Variants in ATP6V1G3 observed in about 807,000 individuals in gnomAD.
The protein encoded by ATP6V1G3 is V-type proton ATPase subunit G 3.
A neutral mutation model predicts 9.3 loss-of-function variants in ATP6V1G3; 9 were observed. The ratio of observed to expected loss-of-function variants is 0.97; its 90% CI spans 0.59 to 1.69. The LOEUF is 1.69. ATP6V1G3 is among the 40% of genes most tolerant of loss of function. The pLI is 0.00. For missense variants in ATP6V1G3, 133 were observed against 139.0 expected (o/e 0.96, Z 0.22); for synonymous variants, 43 against 43.8 (o/e 0.98, Z 0.07).
chr1:198,539,160 A>G (rs1660247811), intron 1 of ATP6V1G3, among the ~76,000 whole-genome samples: 1 of 152,070 alleles, frequency 6.6e-6, no homozygotes, highest in Non-Finnish European at 1.5e-5. Context: ...TGATGCCCAC[A>G]TTGCTGAGTG....
Position 198,540,479 on chromosome 1 carries a change from C to A in ATP6V1G3, c.82+90G>T, listed in dbSNP as rs1660299989. 11 of 1,385,134 alleles carry A rather than the reference C, an allele frequency of 7.9e-6. No individual in the cohort carries two copies. In the Admixed American group the frequency reaches 8.5e-5, roughly 11 times the overall value. 85.8% of individuals were successfully genotyped at this position (1,385,134 alleles called of 1,614,324 possible). A position where few individuals can be genotyped will look rare whatever the true frequency, so the allele number is the denominator to read the frequency against. On this transcript the variant is annotated intron_variant, in intron 1 of 2. Transcript: ENST00000367382. The stretch of plus-strand genomic sequence containing the variant: ...GAGTACAGTAAACCAAAGTTTGAAA[C>A]AAGGTCTGCCTAATCCAAAAGTCTA...
chr1:198,529,169 C>T lies in ATP6V1G3; in HGVS notation c.95G>A (p.Arg32Gln), dbSNP rs74134730. Residue 32 changes from arginine to glutamine, a missense_variant, in exon 2 of 3, where the codon CGA (arginine) becomes CAA (glutamine). Arg to Gln is a conservative substitution (Grantham distance 43, BLOSUM62 1). Coordinates refer to ENST00000367382, the MANE Select transcript of ATP6V1G3 (RefSeq NM_001376861.1). ...TGCTTCCTCCTTGGCTTGCTTCAAT[C>T]GCTTTCCTTTTCCTGAAAATTAACA... ...LEEAKKRKGK[R>Q]LKQAKEEAMV... is the part of the protein sequence containing the mutation. 1,547 of 1,367,058 alleles carry T rather than the reference C, an allele frequency of 1.1e-3. 13 individuals carry two copies. In the African/African-American group the frequency reaches 0.021, roughly 19 times the overall value. 84.7% of individuals were successfully genotyped at this position (1,367,058 alleles called of 1,614,324 possible).
intron 1 of ATP6V1G3, among the ~76,000 whole-genome samples, chr1:198,537,048 T>C (rs539130195): frequency 1.3e-5 from 2 of 152,300 alleles, no homozygotes; most frequent in South Asian, 4.1e-4. Flanking sequence ...CTTCCCAGTC[T>C]GACTTCCGAA....
intron 1 of ATP6V1G3, among the ~76,000 whole-genome samples, chr1:198,539,935 A>T (rs1045457143): frequency 2.6e-5 from 4 of 152,110 alleles, no homozygotes; most frequent in Non-Finnish European, 5.9e-5. Context: ...AAATGAAAAG[A>T]GAGCTGAGTA....
intron 2 of ATP6V1G3, 23 bp downstream of exon 2, chr1:198,529,058 A>AT (rs1299407893): frequency 4.4e-6 from 5 of 1,146,180 alleles, no homozygotes; most frequent in Non-Finnish European, 1.3e-6. Flanking sequence ...TGCATAAGAA[A>AT]CAGTGCTGAC....
rs1379432727 is a variant in ATP6V1G3 at position 198,539,618 on chromosome 1, C to G, written c.82+951G>C. Among the ~76,000 whole-genome samples, 7 of 152,278 alleles carry G rather than the reference C, an allele frequency of 4.6e-5. No individual in the cohort carries two copies. The South Asian group carries it at 1.5e-3, about 32-fold the overall frequency. On this transcript the variant is annotated intron_variant, in intron 1 of 2. Coordinates refer to ENST00000367382, the MANE Select transcript of ATP6V1G3 (RefSeq NM_001376861.1). ...TAAGATCTGGGCTTGGAAATTATAG[C>G]TCATCTAAATCTTGTCTCTACCATT...
intron 1 of ATP6V1G3, among the ~76,000 whole-genome samples, chr1:198,536,989 T>G (rs1431753286): frequency 1.3e-5 from 2 of 152,154 alleles, no homozygotes; most frequent in Non-Finnish European, 2.9e-5. Flanking sequence ...TTAAATGACA[T>G]TAAGAATTGT....
intron 1 of ATP6V1G3, among the ~76,000 whole-genome samples, chr1:198,532,559 A>G (rs542929969): frequency 6.6e-6 from 1 of 152,314 alleles, no homozygotes; most frequent in South Asian, 2.1e-4. Flanking sequence ...ATGGACAATA[A>G]GTATATAATA....
chr1:198,529,943 A>G (rs1659828600), intron 1 of ATP6V1G3, among the ~76,000 whole-genome samples: 2 of 152,136 alleles, frequency 1.3e-5, no homozygotes, highest in East Asian at 1.9e-4. Flanking sequence ...TTAGACGAAT[A>G]CAATGCTGTG....
rs146675429 is a variant in ATP6V1G3, at chr1:198,537,852, A to G, written c.82+2717T>C. Among the ~76,000 whole-genome samples, 681 of 152,358 alleles carry G rather than the reference A, an allele frequency of 4.5e-3. 7 individuals carry two copies. The highest frequency in any genetic ancestry group is 0.016 in the African/African-American group (653 of 41,584). ...CTTATTGAATTAAATAAATGAAACA[A>G]AAACCACTGAAACATTAGGGAAGTT... On this transcript the variant is annotated intron_variant, in intron 1 of 2. Coordinates refer to ENST00000367382, the MANE Select transcript of ATP6V1G3 (RefSeq NM_001376861.1).
At chr1:198,525,427 A>AT (rs978623954) in intron 2 of ATP6V1G3, among the ~76,000 whole-genome samples, 48 of 152,166 alleles carry the variant, frequency 3.2e-4, no homozygotes, top group African/African-American at 1.1e-3. Flanking sequence ...TAGGTTCTCT[A>AT]TTTTTTTATA....
chr1:198,526,049 C>T (rs557097064), intron 2 of ATP6V1G3, among the ~76,000 whole-genome samples: 6 of 152,194 alleles, frequency 3.9e-5, no homozygotes, highest in Admixed American at 3.9e-4. Context: ...CCTTGTAATA[C>T]CCCATAATCA....
chr1:198,536,636 C>A (rs1346486046), intron 1 of ATP6V1G3: 1 of 1,491,604 alleles, frequency 6.7e-7, no homozygotes, highest in Admixed American at 1.8e-5. Flanking sequence ...AACCTGTAAT[C>A]AGTGAATACA....
intron 1 of ATP6V1G3, among the ~76,000 whole-genome samples, chr1:198,533,385 G>T (rs530839450): frequency 8.9e-4 from 136 of 152,106 alleles, no homozygotes; most frequent in African/African-American, 3.0e-3. Context: ...AAGAAGATCA[G>T]TCTGAAATTT....
intron 1 of ATP6V1G3, among the ~76,000 whole-genome samples, chr1:198,531,115 C>A (rs1396665754): frequency 6.6e-6 from 1 of 152,100 alleles, no homozygotes; most frequent in Non-Finnish European, 1.5e-5. Flanking sequence ...CAGAGCGTGT[C>A]TGTGATTCCC....
chr1:198,531,681 T>G (rs1165846857), intron 1 of ATP6V1G3, among the ~76,000 whole-genome samples: 1 of 152,132 alleles, frequency 6.6e-6, no homozygotes, highest in Non-Finnish European at 1.5e-5. Context: ...AAATTTGTTC[T>G]AGGCTCTTTT....
Position 198,523,365 on chromosome 1 carries a change from T to A in ATP6V1G3, c.*26A>T. The A allele has an allele frequency of 2.5e-6, 4 of 1,599,692 alleles. No homozygotes were observed. Among genetic ancestry groups the A allele is most frequent in the Non-Finnish European group, 3.4e-6 (4 of 1,173,440 alleles). ...ACCAGGTGGCACTCACACACCTTTT[T>A]TTTTCTTGAAAACTGTGATGTACAT... is the stretch of plus-strand genomic sequence containing the variant. On this transcript the variant is annotated 3_prime_UTR_variant, in exon 3 of 3. Transcript: ENST00000367382.
chr1:198,534,423 G>A (rs1266935053), intron 1 of ATP6V1G3, among the ~76,000 whole-genome samples: 1 of 152,050 alleles, frequency 6.6e-6, no homozygotes, highest in African/African-American at 2.4e-5. Flanking sequence ...TTTCTCCCTC[G>A]GTGCTTCCAG....
chr1:198,523,994 A>G (rs1424833013), intron 2 of ATP6V1G3, among the ~76,000 whole-genome samples: 3 of 152,168 alleles, frequency 2.0e-5, no homozygotes, highest in Admixed American at 1.3e-4. Context: ...AAGAGTGTTT[A>G]AAAGTTTTAA....
Sources: gnomAD v4.1 joint callset for allele counts (sites outside exome capture counted in the v4.1 genomes callset) on GRCh38, gnomAD v4.1.1 for gene constraint, MANE v1.5 for transcripts, NCBI Gene and HGNC (gene_info 2026-07-23, HGNC 2026-07-21) for gene names.